Variants in KDM5A observed in about 807,000 individuals in gnomAD.
The protein encoded by KDM5A is lysine demethylase 5A, also known as lysine-specific demethylase 5A.
A neutral mutation model predicts 193.5 loss-of-function variants in KDM5A; 42 were observed. The observed-to-expected ratio is 0.22, with a 90% CI of 0.17 to 0.28. The LOEUF is 0.28. Ranked by LOEUF, KDM5A falls within the 10% of genes least tolerant of loss-of-function variation. The probability of loss-of-function intolerance (pLI) is 1.00; values close to 1 mark genes in which losing one functional copy is unlikely to be tolerated. For missense variants in KDM5A, 1,692 were observed against 2,055.1 expected (o/e 0.82, Z 3.42); for synonymous variants, 796 against 718.1 (o/e 1.11, Z -1.73).
Position 389,081 on chromosome 12 carries a change from A to T in KDM5A, c.11T>A (p.Val4Glu), listed in dbSNP as rs766644174. The T allele has an allele frequency of 1.4e-6, 1 of 711,528 alleles. No homozygotes were observed. Among genetic ancestry groups the T allele is most frequent in the Non-Finnish European group, 2.3e-6 (1 of 440,136 alleles). 44.1% of individuals were successfully genotyped at this position (711,528 alleles called of 1,614,324 possible). The change falls in exon 1 of 28, where the codon GTG becomes GAG. Residue 4 changes from valine to glutamate, a missense_variant. By Grantham distance (121) the Val-to-Glu change is moderately radical (BLOSUM62 -2). Around this residue, in one of 11 missense-constraint regions of KDM5A, gnomAD observed 84 missense variants for 68.2 expected, o/e 1.23. Transcript: ENST00000399788. MAGVGPGGYAAEFV... is the reference protein window; with the variant it reads MAGEGPGGYAAEFV... ...CTCCGCCGCGTAGCCCCCCGGCCCC[A>T]CGCCCGCCATTGCAACGGCCGGGGG...
At chr12:342,814 G>A (rs940975577) in intron 10 of KDM5A, among the ~76,000 whole-genome samples, 4 of 146,688 alleles carry the variant, frequency 2.7e-5, no homozygotes, top group Non-Finnish European at 6.0e-5. Flanking sequence ...GGCGTTCCAA[G>A]ATGGCCAAAT....
intron 12 of KDM5A, chr12:333,173 C>T (rs1161099004): frequency 5.1e-6 from 2 of 393,334 alleles, no homozygotes; most frequent in Admixed American, 7.4e-5. Flanking sequence ...AATCCCAACA[C>T]TTTGGGAGGC....
At chr12:359,881 GATAA>G (rs1480921521) in intron 5 of KDM5A, among the ~76,000 whole-genome samples, 1 of 151,556 alleles carries the variant, frequency 6.6e-6, no homozygotes. Flanking sequence ...AGGAAGAGGT[GATAA>G]TACATTATCT....
At chr12:289,746 A>G (rs1943266152) in intron 27 of KDM5A, among the ~76,000 whole-genome samples, 1 of 150,610 alleles carries the variant, frequency 6.6e-6, no homozygotes, top group South Asian at 2.1e-4. Flanking sequence ...TTTAATCTGC[A>G]TATTTTGGGG....
At chr12:286,940 A>G (rs1434944352) in intron 27 of KDM5A, among the ~76,000 whole-genome samples, 1 of 152,186 alleles carries the variant, frequency 6.6e-6, no homozygotes, top group Non-Finnish European at 1.5e-5. Flanking sequence ...TCCAGTGTGT[A>G]TCATTTCAGG....
At chr12:384,368 T>G (rs563929987) in intron 2 of KDM5A, among the ~76,000 whole-genome samples, 1 of 152,286 alleles carries the variant, frequency 6.6e-6, no homozygotes, top group African/African-American at 2.4e-5. Flanking sequence ...GGATTTAGGT[T>G]GTGAGCACCT....
intron 3 of KDM5A, among the ~76,000 whole-genome samples, chr12:372,225 C>T (rs971398651): frequency 6.6e-6 from 1 of 152,202 alleles, no homozygotes; most frequent in African/African-American, 2.4e-5. Context: ...TTCTTCCTAT[C>T]CATGAGCATG....
At chr12:387,367 C>T (rs10848877) in intron 1 of KDM5A, 124,442 of 216,672 alleles carry the variant, frequency 0.57, 38,998 homozygotes, top group Non-Finnish European at 0.69. Context: ...AGTAAAAAAA[C>T]TTTTTTTAAT....
chr12:325,765 G>A (rs1198150492), intron 14 of KDM5A, among the ~76,000 whole-genome samples: 1 of 150,500 alleles, frequency 6.6e-6, no homozygotes, highest in African/African-American at 2.4e-5. Context: ...TGTAATCCCA[G>A]CACTTTGGGA....
chr12:338,874 A>G (rs1448085276), intron 10 of KDM5A, among the ~76,000 whole-genome samples: 1 of 152,068 alleles, frequency 6.6e-6, no homozygotes, highest in Non-Finnish European at 1.5e-5. Context: ...GGTAGAGCAC[A>G]CTATATTCAT....
chr12:379,053 A>C (rs1186905499), intron 3 of KDM5A, among the ~76,000 whole-genome samples: 2 of 152,090 alleles, frequency 1.3e-5, no homozygotes, highest in African/African-American at 2.4e-5. Flanking sequence ...TAATAGGGAG[A>C]AAGATGAAGT....
chr12:372,734 T>G (rs369385768), intron 3 of KDM5A, among the ~76,000 whole-genome samples: 1 of 152,236 alleles, frequency 6.6e-6, no homozygotes, highest in Non-Finnish European at 1.5e-5. Flanking sequence ...GGGTTTGTCA[T>G]AAATAGCTCT....
intron 3 of KDM5A, among the ~76,000 whole-genome samples, chr12:367,074 G>A (rs957473507): frequency 1.3e-5 from 2 of 152,138 alleles, no homozygotes; most frequent in African/African-American, 4.8e-5. Context: ...GTTTGTATAA[G>A]TACATTCTAT....
At chr12:331,428 T>C (rs927464915) in intron 13 of KDM5A, among the ~76,000 whole-genome samples, 1 of 152,110 alleles carries the variant, frequency 6.6e-6, no homozygotes, top group Admixed American at 6.6e-5. Flanking sequence ...GACTGACCAT[T>C]TATAAGTTCA....
chr12:353,957 T>C (rs1364347552), intron 8 of KDM5A, 119 bp downstream of exon 8: 10 of 733,936 alleles, frequency 1.4e-5, no homozygotes, highest in Non-Finnish European at 2.3e-6. Context: ...TTTTAAACAC[T>C]ACATAATGAA....
intron 19 of KDM5A, among the ~76,000 whole-genome samples, chr12:315,024 T>C (rs1943633717): frequency 6.6e-6 from 1 of 152,152 alleles, no homozygotes; most frequent in Non-Finnish European, 1.5e-5. Context: ...ACCTGTATTT[T>C]AACAAAGTAC....
chr12:353,372 C>G (rs1001886936), intron 8 of KDM5A, among the ~76,000 whole-genome samples: 1 of 152,114 alleles, frequency 6.6e-6, no homozygotes, highest in Non-Finnish European at 1.5e-5. Flanking sequence ...AAGATACCGT[C>G]AGTTTATTTA....
Position 285,332 on chromosome 12 carries a change from A to C in KDM5A, c.*124T>G. ...CAAAGAGGAAGCCAGCACTAAGGGG[A>C]CTTTCTCTGAAGGCCATTCATCTTT... is the stretch of plus-strand genomic sequence containing the variant. On this transcript the variant is annotated 3_prime_UTR_variant, in exon 28 of 28. Coordinates refer to ENST00000399788, the MANE Select transcript of KDM5A (RefSeq NM_001042603.3). The C allele has an allele frequency of 1.3e-6, 1 of 794,354 alleles. No individual in the cohort carries two copies. The highest frequency in any genetic ancestry group is 2.1e-6 in the Non-Finnish European group (1 of 470,360). 49.2% of individuals were successfully genotyped at this position (794,354 alleles called of 1,614,324 possible).
At chr12:319,766 A>C (rs1943693842) in intron 18 of KDM5A, among the ~76,000 whole-genome samples, 1 of 152,168 alleles carries the variant, frequency 6.6e-6, no homozygotes. Context: ...AAAGAAAAGA[A>C]AAGAAAAGAA....
Sources: gnomAD v4.1 joint callset for allele counts (sites outside exome capture counted in the v4.1 genomes callset) on GRCh38, gnomAD v4.1.1 for gene constraint, gnomAD v4.1.1 regional missense constraint, MANE v1.5 for transcripts, NCBI Gene and HGNC (gene_info 2026-07-23, HGNC 2026-07-21) for gene names.